Variants in CHD6 observed in about 807,000 individuals in gnomAD.
CHD6 encodes the protein ATP-dependent chromatin remodeler CHD6.
Under a neutral mutation model 276.9 loss-of-function variants are expected in CHD6, and 50 were observed. That is an observed-to-expected ratio of 0.18 (90% CI 0.14 to 0.23). The LOEUF (loss-of-function observed/expected upper bound fraction) is 0.23. Among genes scored for constraint, CHD6 ranks in the 10% least tolerant of loss-of-function variants. The pLI, the probability that CHD6 is intolerant of heterozygous loss-of-function variation, is 1.00. For synonymous variants in CHD6, 1,173 were observed against 1,229.3 expected, an observed-to-expected ratio of 0.95 and a Z score of 0.96; for missense variants, 2,564 against 3,365.8, an observed-to-expected ratio of 0.76 and a Z score of 5.89.
rs758851934 is a variant in CHD6, at chr20:41,425,316, G to C, written c.4208C>G (p.Thr1403Ser). The C allele has an allele frequency of 1.4e-5, 22 of 1,614,222 alleles. No homozygotes were observed. The highest frequency in any genetic ancestry group is 1.9e-5 in the Non-Finnish European group (22 of 1,180,040). ...ALTARLRRLV[T>S]VYQRCNRKEL... Reference sequence around the variant, plus strand: ...CTTGCGGTTGCAGCGCTGGTAAACAGTGACCAGACGTCTGAGACGAGCTGT... The same window carrying C: ...CTTGCGGTTGCAGCGCTGGTAAACACTGACCAGACGTCTGAGACGAGCTGT... Residue 1403 changes from threonine (T) to serine (S), a missense_variant, in exon 29 of 37, where the codon ACT becomes AGT. By Grantham distance (58) the Thr-to-Ser change is moderately conservative. Transcript: ENST00000373233.
intron 20 of CHD6, among the ~76,000 whole-genome samples, chr20:41,453,764 T>C (rs2048311043): frequency 6.6e-6 from 1 of 152,188 alleles, no homozygotes; most frequent in Non-Finnish European, 1.5e-5. Context: ...GTGAAACACT[T>C]AGAACAGGTT....
chr20:41,472,127 A>G (rs1463669723), intron 17 of CHD6, among the ~76,000 whole-genome samples: 2 of 151,974 alleles, frequency 1.3e-5, no homozygotes, highest in Non-Finnish European at 2.9e-5. Flanking sequence ...CCAGCTACGC[A>G]GGAGGCTGAG....
chr20:41,414,557 TA>T (rs1314789800), intron 34 of CHD6: 4 of 179,528 alleles, frequency 2.2e-5, no homozygotes, highest in African/African-American at 9.4e-5. Context: ...CATGAAACAT[TA>T]AACAAAGCGT....
At chr20:41,420,151 TC>T (rs1223052939) in intron 31 of CHD6, among the ~76,000 whole-genome samples, 1 of 152,200 alleles carries the variant, frequency 6.6e-6, no homozygotes, top group Non-Finnish European at 1.5e-5. Context: ...GTTCCTAACA[TC>T]CCAAGGCTGT....
At chr20:41,434,856 C>T (rs141623622) in intron 27 of CHD6, among the ~76,000 whole-genome samples, 104 of 152,300 alleles carry the variant, frequency 6.8e-4, no homozygotes, top group African/African-American at 2.4e-3. Context: ...AACTCAACAA[C>T]ATCATTGACC....
intron 2 of CHD6, among the ~76,000 whole-genome samples, chr20:41,546,164 T>C (rs2045037515): frequency 6.6e-6 from 1 of 152,202 alleles, no homozygotes; most frequent in Admixed American, 6.5e-5. Flanking sequence ...CAACAAATTG[T>C]TCAGTGAATA....
intron 1 of CHD6, among the ~76,000 whole-genome samples, chr20:41,611,789 C>T (rs143401968): frequency 1.0e-3 from 159 of 152,206 alleles, no homozygotes; most frequent in African/African-American, 3.7e-3. Context: ...AAGCACATGC[C>T]GCCATGCTTG....
In CHD6 at chr20:41,533,522, C is replaced by A; in HGVS notation, c.82G>T (p.Val28Phe). Residue 28 changes from valine (V) to phenylalanine (F), a missense_variant, in exon 3 of 37, where the codon GTC (valine) becomes TTC (phenylalanine). By Grantham distance (50) the Val-to-Phe change is conservative. Around this residue, in one of 7 missense-constraint regions of CHD6, gnomAD observed 286 missense variants for 297.8 expected, o/e 0.96. Transcript: ENST00000373233. The part of the protein sequence containing the change: ...LNHSPMSDAS[V>F]NFDYKSPSPF... ...GATGGAGATTTGTAGTCAAAATTGA[C>A]AGAGGCATCAGACATTGGGGAGTGA... The A allele has an allele frequency of 6.2e-7, 1 of 1,612,958 alleles. No individual in the cohort carries two copies. The highest frequency in any genetic ancestry group is 8.5e-7 in the Non-Finnish European group (1 of 1,179,918).
chr20:41,452,680 C>G lies in CHD6; in HGVS notation c.3323+60G>C, dbSNP rs1190000512. The stretch of plus-strand genomic sequence containing the variant: ...AGACATCCTAGACAAATCTCAGGGA[C>G]TGAAAAACAGAGGGGAACAAACAAC... On this transcript the variant is annotated intron_variant, in intron 21 of 36. Transcript: ENST00000373233. The surrounding 1 kb of genome is among the most constrained non-coding windows in gnomAD (Gnocchi z 4.2). The G allele has an allele frequency of 6.8e-7, 1 of 1,477,390 alleles. No individual in the cohort carries two copies. The allele number at this position is 1,477,390 out of a possible 1,614,324, so 91.5% of individuals were successfully genotyped here. A position where few individuals can be genotyped will look rare whatever the true frequency, so the allele number is the denominator to read the frequency against.
chr20:41,602,903 G>A (rs981099491), intron 1 of CHD6, among the ~76,000 whole-genome samples: 11 of 151,982 alleles, frequency 7.2e-5, no homozygotes, highest in African/African-American at 2.4e-4. Context: ...GGCTGGTCTC[G>A]AACTCCTGGG....
At chr20:41,513,337 G>A (rs2044166582) in intron 4 of CHD6, among the ~76,000 whole-genome samples, 1 of 152,192 alleles carries the variant, frequency 6.6e-6, no homozygotes, top group Admixed American at 6.5e-5. Flanking sequence ...AAGGATGGGA[G>A]CTGAACTCTA....
At position 41,457,342 on chromosome 20, in the gene CHD6, C is replaced by A; in HGVS notation, c.2751G>T (p.Met917Ile). 6.2e-7 allele frequency: 1 copy of A among 1,614,170 alleles called. No homozygotes were observed. The change falls in exon 18 of 37, where the codon ATG (methionine) becomes ATT (isoleucine). Residue 917 changes from methionine to isoleucine, a missense_variant. Met to Ile is a conservative substitution (Grantham distance 10). Coordinates refer to ENST00000373233, the MANE Select transcript of CHD6 (RefSeq NM_032221.5). Reference protein sequence around the residue: ...LITRNSYEREMFDKASLKLGL... With the variant: ...LITRNSYEREIFDKASLKLGL... Reference sequence around the variant, plus strand: ...CCAGCTTTAGGCTGGCCTTGTCAAACATCTCGCGCTCGTAGGAATTTCGAG... The same window carrying A: ...CCAGCTTTAGGCTGGCCTTGTCAAAAATCTCGCGCTCGTAGGAATTTCGAG...
chr20:41,417,378 C>G, intron 31 of CHD6, 29 bp from the exon 32 acceptor site: 1 of 1,601,146 alleles, frequency 6.2e-7, no homozygotes, highest in East Asian at 2.2e-5. Flanking sequence ...ATTAATCAGG[C>G]ACTTAACTAT....
At chr20:41,509,776 T>A (rs2044070512) in intron 5 of CHD6, among the ~76,000 whole-genome samples, 1 of 152,092 alleles carries the variant, frequency 6.6e-6, no homozygotes, top group Non-Finnish European at 1.5e-5. Context: ...CCAAAATCAG[T>A]TTGACAAAGA....
chr20:41,563,412 T>C (rs1191888201), intron 1 of CHD6, among the ~76,000 whole-genome samples: 4 of 152,192 alleles, frequency 2.6e-5, no homozygotes, highest in Non-Finnish European at 5.9e-5. Flanking sequence ...GATATAAAGG[T>C]ATAAACTAAG....
intron 3 of CHD6, among the ~76,000 whole-genome samples, chr20:41,521,395 C>T (rs1601074078): frequency 1.3e-5 from 2 of 151,986 alleles, no homozygotes; most frequent in African/African-American, 2.4e-5. Flanking sequence ...AACGAGTGAA[C>T]GTATTGATGT....
intron 1 of CHD6, chr20:41,614,808 A>T (rs1223273998): frequency 4.6e-5 from 7 of 152,210 alleles, no homozygotes. Flanking sequence ...GGAAAAAGTG[A>T]CTGCGTTCTC....
intron 1 of CHD6, among the ~76,000 whole-genome samples, chr20:41,579,805 A>G (rs1251910277): frequency 6.6e-6 from 1 of 152,210 alleles, no homozygotes; most frequent in African/African-American, 2.4e-5. Context: ...AACATGATAT[A>G]TATATTTCTA....
At chr20:41,593,800 C>G (rs1041594530) in intron 1 of CHD6, among the ~76,000 whole-genome samples, 1 of 152,004 alleles carries the variant, frequency 6.6e-6, no homozygotes, top group Non-Finnish European at 1.5e-5. Context: ...AGAGAAAAGA[C>G]CATGTGAGGA....
Sources: allele counts gnomAD v4.1 joint callset (sites outside exome capture counted in the v4.1 genomes callset), GRCh38; gene constraint gnomAD v4.1.1; regional missense constraint gnomAD v4.1.1; non-coding constraint Gnocchi (gnomAD v3.1); transcripts MANE v1.5; gene names NCBI Gene and HGNC (gene_info 2026-07-23, HGNC 2026-07-21).